SH3RF3: variants seen among roughly 807,000 people sequenced by gnomAD.
SH3RF3 encodes SH3 domain containing ring finger 3.
In SH3RF3, 29 loss-of-function variants were observed where a neutral mutation model predicts 66.3. The observed-to-expected ratio is 0.44, with a 90% CI of 0.33 to 0.60. SH3RF3 has a LOEUF of 0.60. Ranked by LOEUF, SH3RF3 falls within the 20% of genes least tolerant of loss-of-function variation. The pLI, the probability that SH3RF3 is intolerant of heterozygous loss-of-function variation, is 0.04. For synonymous variants in SH3RF3, 583 were observed against 532.0 expected, an observed-to-expected ratio of 1.10 and a Z score of -1.32; for missense variants, 1,194 against 1,190.9, an observed-to-expected ratio of 1.00 and a Z score of -0.04.
In SH3RF3 at chr2:109,292,775, C is replaced by T. The variant is rs533405104; in HGVS notation, c.574-54899C>T. On this transcript the variant is annotated intron_variant, in intron 1 of 9. Coordinates refer to ENST00000309415, the MANE Select transcript of SH3RF3 (RefSeq NM_001099289.3). ...GAGATGGAGTTTCACTCTTGTTGCC[C>T]AGGCTGGAGTGCAGTGGCATGATCT... is the stretch of plus-strand genomic sequence containing the variant. 6.4e-4 allele frequency among the ~76,000 whole-genome samples: 97 copies of T among 152,276 alleles called. 1 individual carries two copies. The highest frequency in any genetic ancestry group is 3.4e-3 in the Middle Eastern group (1 of 294).
intron 4 of SH3RF3, among the ~76,000 whole-genome samples, chr2:109,409,902 G>T (rs1316826829): frequency 1.3e-5 from 2 of 152,114 alleles, no homozygotes; most frequent in African/African-American, 4.8e-5. Flanking sequence ...TGCTCCTTGG[G>T]GTGATGACAG....
At chr2:109,180,468 T>C (rs1172710751) in intron 1 of SH3RF3, among the ~76,000 whole-genome samples, 1 of 152,160 alleles carries the variant, frequency 6.6e-6, no homozygotes, top group Non-Finnish European at 1.5e-5. Context: ...CCCAGTGATA[T>C]GGTTTGGCTC....
rs1217798133 is a variant in SH3RF3 at position 109,371,465 on chromosome 2, C to T, written c.850-121C>T. Reference sequence around the variant, plus strand: ...CAGATACCTGAATGGATAATGCACTCTTCTTGAACTCATTCCTTGGAATCT... The same window carrying T: ...CAGATACCTGAATGGATAATGCACTTTTCTTGAACTCATTCCTTGGAATCT... On this transcript the variant is annotated intron_variant, in intron 2 of 9. Transcript: ENST00000309415. The T allele has an allele frequency of 1.5e-5, 11 of 737,222 alleles. No homozygotes were observed. In the South Asian group the frequency reaches 1.7e-4, roughly 11 times the overall value. The allele number at this position is 737,222 out of a possible 1,614,324, so 45.7% of individuals were successfully genotyped here.
intron 1 of SH3RF3, among the ~76,000 whole-genome samples, chr2:109,155,674 C>G (rs929664498): frequency 5.3e-5 from 8 of 152,202 alleles, no homozygotes; most frequent in African/African-American, 1.9e-4. Flanking sequence ...GTAACTCCAT[C>G]TTGAATTGTA....
At chr2:109,356,413 C>T (rs1176014426) in intron 2 of SH3RF3, among the ~76,000 whole-genome samples, 1 of 152,180 alleles carries the variant, frequency 6.6e-6, no homozygotes, top group Non-Finnish European at 1.5e-5. Flanking sequence ...GGAGCCATGG[C>T]AGGGTCCACT....
chr2:109,185,293 C>A (rs1294978001), intron 1 of SH3RF3, among the ~76,000 whole-genome samples: 3 of 152,012 alleles, frequency 2.0e-5, no homozygotes, highest in Admixed American at 6.6e-5. Flanking sequence ...GAATAAAATC[C>A]CATGTAAGAG....
intron 1 of SH3RF3, among the ~76,000 whole-genome samples, chr2:109,344,215 T>A (rs1466477213): frequency 6.6e-6 from 1 of 152,118 alleles, no homozygotes; most frequent in African/African-American, 2.4e-5. Context: ...CTGGGGGCCT[T>A]AGTGGCGTAG....
At chr2:109,493,195 CAT>C (rs1455668322) in intron 9 of SH3RF3, among the ~76,000 whole-genome samples, 1 of 151,518 alleles carries the variant, frequency 6.6e-6, no homozygotes, top group Non-Finnish European at 1.5e-5. Context: ...ACACACCACA[CAT>C]ATATCATATA....
chr2:109,317,509 G>A (rs542655540), intron 1 of SH3RF3, among the ~76,000 whole-genome samples: 46 of 152,116 alleles, frequency 3.0e-4, no homozygotes, highest in Non-Finnish European at 5.4e-4. Context: ...CAGCAGCCCC[G>A]TTCACAGCAG....
chr2:109,203,421 G>C (rs752813188), intron 1 of SH3RF3, among the ~76,000 whole-genome samples: 1 of 152,192 alleles, frequency 6.6e-6, no homozygotes, highest in Non-Finnish European at 1.5e-5. Flanking sequence ...CGCATCACCT[G>C]TGGTCAGGCG....
chr2:109,152,710 C>G (rs1677251817), intron 1 of SH3RF3, among the ~76,000 whole-genome samples: 1 of 152,020 alleles, frequency 6.6e-6, no homozygotes, highest in Non-Finnish European at 1.5e-5. Context: ...ATTGGAAATT[C>G]AATTAATGGG....
Position 109,129,534 on chromosome 2 carries a change from C to G in SH3RF3, c.-7C>G. ...AGCCGCGCGAGACCGCTGCGGGCGC[C>G]TCCCCCATGCTGCTCGGAGCGTCCT... On this transcript the variant is annotated 5_prime_UTR_variant, in exon 1 of 10. Coordinates refer to ENST00000309415, the MANE Select transcript of SH3RF3 (RefSeq NM_001099289.3). 6 of 1,496,040 alleles carry G rather than the reference C, an allele frequency of 4.0e-6. No homozygotes were observed. The highest frequency in any genetic ancestry group is 5.3e-6 in the Non-Finnish European group (6 of 1,129,396). 92.7% of individuals were successfully genotyped at this position (1,496,040 alleles called of 1,614,324 possible).
At chr2:109,453,080 C>T (rs1339189138) in intron 8 of SH3RF3, among the ~76,000 whole-genome samples, 2 of 152,172 alleles carry the variant, frequency 1.3e-5, no homozygotes, top group East Asian at 1.9e-4. Context: ...CTGTTCCCTG[C>T]GTGGCCCGAT....
At chr2:109,237,649 T>C (rs1679681312) in intron 1 of SH3RF3, among the ~76,000 whole-genome samples, 1 of 152,114 alleles carries the variant, frequency 6.6e-6, no homozygotes, top group South Asian at 2.1e-4. Flanking sequence ...TGTTAGTATA[T>C]TTTATGTGAG....
intron 3 of SH3RF3, among the ~76,000 whole-genome samples, chr2:109,392,716 C>T (rs1676036261): frequency 1.3e-5 from 2 of 151,834 alleles, no homozygotes; most frequent in Admixed American, 6.6e-5. Context: ...GGGGTTTCAC[C>T]GTGTTAGCCA....
chr2:109,372,864 C>A (rs1234956133), intron 3 of SH3RF3, among the ~76,000 whole-genome samples: 1 of 152,218 alleles, frequency 6.6e-6, no homozygotes, highest in Non-Finnish European at 1.5e-5. Context: ...CTTTGCCACA[C>A]CTACCACACA....
intron 8 of SH3RF3, among the ~76,000 whole-genome samples, chr2:109,480,242 AGCAGGCAAGGC>A (rs980113651): frequency 2.6e-5 from 4 of 152,194 alleles, no homozygotes; most frequent in African/African-American, 7.2e-5. Flanking sequence ...TGATGACCAG[AGCAGGCAAGGC>A]GGCATCTCCC....
rs148751113 is a variant in SH3RF3, at chr2:109,481,102, C to T, written c.2149-9503C>T. On this transcript the variant is annotated intron_variant, in intron 8 of 9. Coordinates refer to ENST00000309415, the MANE Select transcript of SH3RF3 (RefSeq NM_001099289.3). ...CCTGCTGCTGCCAAAAAGAATCTGA[C>T]AGCTGTTCAGAAAGGCAGGAGAAGA... Among the ~76,000 whole-genome samples, 52 of 152,336 alleles carry T rather than the reference C, an allele frequency of 3.4e-4. 1 individual carries two copies. The highest frequency in any genetic ancestry group is 2.4e-3 in the Admixed American group (36 of 15,312).
chr2:109,130,795 A>G (rs1676675884), intron 1 of SH3RF3, among the ~76,000 whole-genome samples: 2 of 152,002 alleles, frequency 1.3e-5, no homozygotes, highest in South Asian at 4.1e-4. Flanking sequence ...GTACAGCCGC[A>G]TTTTAGGGCC....
Sources: gnomAD v4.1 joint callset for allele counts (sites outside exome capture counted in the v4.1 genomes callset) on GRCh38, gnomAD v4.1.1 for gene constraint, MANE v1.5 for transcripts, NCBI Gene and HGNC (gene_info 2026-07-23, HGNC 2026-07-21) for gene names.